Variants in HS6ST3 observed in about 807,000 individuals in gnomAD.
The protein encoded by HS6ST3 is heparan sulfate 6-O-sulfotransferase 3, also known as heparan-sulfate 6-O-sulfotransferase 3.
In HS6ST3, 12 loss-of-function variants were observed where a neutral mutation model predicts 36.7. The ratio of observed to expected loss-of-function variants is 0.33; its 90% CI spans 0.21 to 0.53. The LOEUF is 0.53. HS6ST3 is among the 20% of genes least tolerant of loss of function. The pLI, the probability that HS6ST3 is intolerant of heterozygous loss-of-function variation, is 0.95. For missense variants in HS6ST3, 584 were observed against 640.9 expected (o/e 0.91, Z 0.96); for synonymous variants, 240 against 257.5 (o/e 0.93, Z 0.65).
At chr13:96,575,829 G>A (rs528049016) in intron 1 of HS6ST3, among the ~76,000 whole-genome samples, 2 of 152,310 alleles carry the variant, frequency 1.3e-5, no homozygotes, top group South Asian at 2.1e-4. Context: ...CTTGGAAGAT[G>A]CTTTGAAAAC....
intron 1 of HS6ST3, among the ~76,000 whole-genome samples, chr13:96,602,017 G>A (rs761001008): frequency 6.6e-6 from 1 of 152,160 alleles, no homozygotes; most frequent in Non-Finnish European, 1.5e-5. Context: ...ATTCAATAGT[G>A]ATGTGCAGTT....
intron 1 of HS6ST3, among the ~76,000 whole-genome samples, chr13:96,415,095 G>T (rs80075064): frequency 0.013 from 1,908 of 152,314 alleles, 51 homozygotes; most frequent in African/African-American, 0.043. Flanking sequence ...GAAAATTCAT[G>T]CTTGGACATT....
Position 96,245,984 on chromosome 13 carries a change from C to A in HS6ST3, c.707+154415C>A, listed in dbSNP as rs16952941. On this transcript the variant is annotated intron_variant, in intron 1 of 1. Coordinates refer to ENST00000376705, the MANE Select transcript of HS6ST3 (RefSeq NM_153456.4). ...TTATTTTCTGCAAGTGTAAACAAAC[C>A]GAATAGAGTTTTGGAAATGTTAAAA... is the stretch of plus-strand genomic sequence containing the variant. Among the ~76,000 whole-genome samples the A allele has an allele frequency of 5.9e-5, 9 of 151,888 alleles. No homozygotes were observed. The East Asian group carries it at 1.4e-3, about 23-fold the overall frequency.
chr13:96,225,072 A>G (rs573960154), intron 1 of HS6ST3, among the ~76,000 whole-genome samples: 3 of 152,334 alleles, frequency 2.0e-5, no homozygotes, highest in Admixed American at 2.0e-4. Context: ...AGAATGAAAC[A>G]TTTCCTTCAA....
chr13:96,331,776 C>G (rs905988848), intron 1 of HS6ST3, among the ~76,000 whole-genome samples: 4 of 152,050 alleles, frequency 2.6e-5, no homozygotes, highest in African/African-American at 9.7e-5. Flanking sequence ...GCCCCTCCCC[C>G]AGCCTCGCTG....
intron 1 of HS6ST3, among the ~76,000 whole-genome samples, chr13:96,160,851 G>T (rs1238443179): frequency 6.6e-6 from 1 of 152,184 alleles, no homozygotes; most frequent in East Asian, 1.9e-4. Context: ...GCATGCAATA[G>T]AACCCACAGG....
At chr13:96,502,846 C>T (rs2056010753) in intron 1 of HS6ST3, among the ~76,000 whole-genome samples, 1 of 152,112 alleles carries the variant, frequency 6.6e-6, no homozygotes, top group South Asian at 2.1e-4. Context: ...CCAATGAGAA[C>T]CCAATTCCAA....
intron 1 of HS6ST3, among the ~76,000 whole-genome samples, chr13:96,400,675 G>T (rs2055446641): frequency 6.6e-6 from 1 of 152,124 alleles, no homozygotes; most frequent in African/African-American, 2.4e-5. Flanking sequence ...GAAGGTATTG[G>T]GACTGAAGGG....
chr13:96,724,096 C>T (rs1395057586), intron 1 of HS6ST3, among the ~76,000 whole-genome samples: 1 of 152,122 alleles, frequency 6.6e-6, no homozygotes, highest in African/African-American at 2.4e-5. Context: ...AGAAGTGAAG[C>T]TCATGTATCT....
At chr13:96,406,579 A>G (rs1463704501) in intron 1 of HS6ST3, among the ~76,000 whole-genome samples, 5 of 152,234 alleles carry the variant, frequency 3.3e-5, no homozygotes, top group Non-Finnish European at 5.9e-5. Context: ...TCTAACAGCA[A>G]GGTAGGAATT....
intron 1 of HS6ST3, among the ~76,000 whole-genome samples, chr13:96,773,553 G>A (rs1387716973): frequency 6.6e-6 from 1 of 152,158 alleles, no homozygotes; most frequent in African/African-American, 2.4e-5. Flanking sequence ...TGTAAACAAG[G>A]CCACTGGAAA....
Position 96,834,224 on chromosome 13 carries a change from A to G in HS6ST3, c.*1026A>G, listed in dbSNP as rs530854860. ...TAAAAGCTTGGCCCAAAGAATAGGA[A>G]CTTAGCTAGCATGTATACAAAATAT... On this transcript the variant is annotated 3_prime_UTR_variant, in exon 2 of 2. Transcript: ENST00000376705. 5 of 152,316 alleles carry G rather than the reference A, an allele frequency of 3.3e-5. No homozygotes were observed. The South Asian group carries it at 1.0e-3, about 32-fold the overall frequency. The allele number at this position is 152,316 out of a possible 1,614,324, so 9.4% of individuals were successfully genotyped here.
At chr13:96,695,138 C>T (rs536978849) in intron 1 of HS6ST3, among the ~76,000 whole-genome samples, 1 of 152,228 alleles carries the variant, frequency 6.6e-6, no homozygotes, top group South Asian at 2.1e-4. Context: ...GAAAAAAAAG[C>T]CAGCTATCTC....
chr13:96,301,550 C>G (rs995005892), intron 1 of HS6ST3, among the ~76,000 whole-genome samples: 2 of 152,116 alleles, frequency 1.3e-5, no homozygotes, highest in African/African-American at 4.8e-5. Context: ...CTCTGAGCCT[C>G]TGGATCTTCC....
intron 1 of HS6ST3, among the ~76,000 whole-genome samples, chr13:96,661,890 G>T (rs2056647678): frequency 6.6e-6 from 1 of 152,068 alleles, no homozygotes; most frequent in South Asian, 2.1e-4. Flanking sequence ...TTTTCTGGCA[G>T]TTCTTTTCTT....
At chr13:96,537,027 G>A (rs1566390089) in intron 1 of HS6ST3, among the ~76,000 whole-genome samples, 1 of 152,138 alleles carries the variant, frequency 6.6e-6, no homozygotes, top group African/African-American at 2.4e-5. Context: ...TTAGAATAAA[G>A]CACTTCTCTC....
chr13:96,579,699 C>T (rs1436556579), intron 1 of HS6ST3, among the ~76,000 whole-genome samples: 1 of 152,058 alleles, frequency 6.6e-6, no homozygotes, highest in African/African-American at 2.4e-5. Context: ...TCAAGAAATA[C>T]CATTATTTTT....
At chr13:96,627,677 A>G (rs1368810639) in intron 1 of HS6ST3, among the ~76,000 whole-genome samples, 1 of 151,864 alleles carries the variant, frequency 6.6e-6, no homozygotes, top group Non-Finnish European at 1.5e-5. Flanking sequence ...TTTCTTTGTG[A>G]AAATATTTTA....
intron 1 of HS6ST3, among the ~76,000 whole-genome samples, chr13:96,260,607 C>T (rs966874568): frequency 2.0e-5 from 3 of 149,176 alleles, no homozygotes; most frequent in African/African-American, 5.1e-5. Flanking sequence ...CAGGAGCCAC[C>T]GTGCCCGGCC....
Sources: gnomAD v4.1 joint callset for allele counts (sites outside exome capture counted in the v4.1 genomes callset) on GRCh38, gnomAD v4.1.1 for gene constraint, MANE v1.5 for transcripts, NCBI Gene and HGNC (gene_info 2026-07-23, HGNC 2026-07-21) for gene names.